The following KCNIP4 variants were observed in gnomAD, a reference collection of about 807,000 sequenced individuals.
KCNIP4 encodes Kv channel-interacting protein 4.
KCNIP4 carries 12 observed loss-of-function variants against 34.0 expected under a neutral mutation model. The ratio of observed to expected loss-of-function variants is 0.35; its 90% CI spans 0.23 to 0.57. The LOEUF is 0.57. Among genes scored for constraint, KCNIP4 ranks in the 20% least tolerant of loss-of-function variants. The probability of loss-of-function intolerance (pLI) is 0.83; values close to 1 mark genes in which losing one functional copy is unlikely to be tolerated. For synonymous variants in KCNIP4, 124 were observed against 102.2 expected, an observed-to-expected ratio of 1.21 and a Z score of -1.29; for missense variants, 238 against 311.7, an observed-to-expected ratio of 0.76 and a Z score of 1.78.
At chr4:20,948,124 C>G (rs541901091) in intron 1 of KCNIP4, among the ~76,000 whole-genome samples, 1 of 152,182 alleles carries the variant, frequency 6.6e-6, no homozygotes, top group Non-Finnish European at 1.5e-5. Flanking sequence ...CACCAGAATT[C>G]CAGAAGCAGC....
intron 3 of KCNIP4, among the ~76,000 whole-genome samples, chr4:20,845,025 C>T (rs975725517): frequency 9.2e-5 from 14 of 152,152 alleles, no homozygotes; most frequent in African/African-American, 3.1e-4. Flanking sequence ...AGCTGCTTTG[C>T]TCTACAGGTG....
intron 1 of KCNIP4, among the ~76,000 whole-genome samples, chr4:21,379,457 C>T (rs1446814271): frequency 2.6e-5 from 4 of 152,162 alleles, no homozygotes; most frequent in South Asian, 2.1e-4. Flanking sequence ...GAAATCCTCA[C>T]GTGGCTTTGC....
chr4:21,649,588 C>T (rs893648397), intron 1 of KCNIP4, among the ~76,000 whole-genome samples: 1 of 152,122 alleles, frequency 6.6e-6, no homozygotes, highest in Non-Finnish European at 1.5e-5. Context: ...TGAAACAGGC[C>T]TTAAAAAGTC....
At chr4:21,108,417 C>T (rs1424865131) in intron 1 of KCNIP4, among the ~76,000 whole-genome samples, 10 of 151,656 alleles carry the variant, frequency 6.6e-5, no homozygotes, top group East Asian at 1.9e-4. Flanking sequence ...GCATTCTTCA[C>T]GTAGTTCTCG....
intron 3 of KCNIP4, among the ~76,000 whole-genome samples, chr4:20,759,919 A>T (rs940222337): frequency 2.0e-5 from 3 of 152,160 alleles, no homozygotes; most frequent in African/African-American, 7.2e-5. Context: ...CACCGCGGAT[A>T]CCAAAATCCA....
At chr4:21,328,435 G>C (rs140748191) in intron 1 of KCNIP4, among the ~76,000 whole-genome samples, 1,578 of 152,282 alleles carry the variant, frequency 0.01, 17 homozygotes, top group Non-Finnish European at 0.017. Flanking sequence ...GTCACTCTTT[G>C]TGTGCTGAGG....
chr4:21,200,710 G>A (rs978652844), intron 1 of KCNIP4, among the ~76,000 whole-genome samples: 7 of 151,214 alleles, frequency 4.6e-5, no homozygotes, highest in Admixed American at 2.6e-4. Flanking sequence ...CTGGTGATGC[G>A]TACATTAAAA....
chr4:21,220,985 G>T (rs1757942807), intron 1 of KCNIP4, among the ~76,000 whole-genome samples: 1 of 152,090 alleles, frequency 6.6e-6, no homozygotes, highest in Non-Finnish European at 1.5e-5. Flanking sequence ...TAGAAAAATA[G>T]GTTGGAACCA....
chr4:21,797,281 C>T (rs1720687380), intron 1 of KCNIP4, among the ~76,000 whole-genome samples: 1 of 152,080 alleles, frequency 6.6e-6, no homozygotes, highest in Non-Finnish European at 1.5e-5. Context: ...GCTAGGAGTA[C>T]AGGTTTGTGC....
At chr4:21,402,592 C>G (rs1461512993) in intron 1 of KCNIP4, among the ~76,000 whole-genome samples, 1 of 152,148 alleles carries the variant, frequency 6.6e-6, no homozygotes, top group Non-Finnish European at 1.5e-5. Flanking sequence ...TTGCTCTTGC[C>G]CTTTACTGCT....
chr4:21,344,860 G>A (rs1050065096), intron 1 of KCNIP4, among the ~76,000 whole-genome samples: 1 of 152,204 alleles, frequency 6.6e-6, no homozygotes, highest in Non-Finnish European at 1.5e-5. Context: ...CTATGTTAGT[G>A]CTCTCTTCAA....
intron 1 of KCNIP4, among the ~76,000 whole-genome samples, chr4:21,619,264 C>T (rs934650472): frequency 6.6e-6 from 1 of 152,104 alleles, no homozygotes; most frequent in African/African-American, 2.4e-5. Flanking sequence ...AAAACTAATG[C>T]GCTCCACATT....
intron 1 of KCNIP4, among the ~76,000 whole-genome samples, chr4:21,477,849 G>C (rs1306951321): frequency 6.6e-6 from 1 of 152,030 alleles, no homozygotes; most frequent in Non-Finnish European, 1.5e-5. Context: ...ATAACAGTAG[G>C]GTATTTTAGC....
chr4:21,434,740 G>A (rs1214837551), intron 1 of KCNIP4, among the ~76,000 whole-genome samples: 2 of 136,514 alleles, frequency 1.5e-5, no homozygotes, highest in South Asian at 2.4e-4. Context: ...AACGATCCCC[G>A]CCCCCCTCCC....
At chr4:21,507,198 C>T (rs1695614372) in intron 1 of KCNIP4, among the ~76,000 whole-genome samples, 1 of 151,764 alleles carries the variant, frequency 6.6e-6, no homozygotes, top group Non-Finnish European at 1.5e-5. Flanking sequence ...TTGTACTAGC[C>T]ACATTTTAGG....
At chr4:21,489,937 G>A (rs959252496) in intron 1 of KCNIP4, among the ~76,000 whole-genome samples, 1 of 150,960 alleles carries the variant, frequency 6.6e-6, no homozygotes, top group Non-Finnish European at 1.5e-5. Flanking sequence ...TAACTTTGGT[G>A]AGATTTTCAA....
intron 1 of KCNIP4, among the ~76,000 whole-genome samples, chr4:21,766,403 G>T (rs1029914393): frequency 6.6e-6 from 1 of 152,112 alleles, no homozygotes; most frequent in Non-Finnish European, 1.5e-5. Flanking sequence ...AAGAGTTTGA[G>T]CTGGGACTCA....
chr4:21,594,347 C>T (rs1742455366), intron 1 of KCNIP4, among the ~76,000 whole-genome samples: 2 of 152,058 alleles, frequency 1.3e-5, no homozygotes, highest in Admixed American at 1.3e-4. Flanking sequence ...ACAAAAGCAA[C>T]CAACGACAAA....
At chr4:21,638,958 G>T (rs749377128) in intron 1 of KCNIP4, among the ~76,000 whole-genome samples, 15 of 152,084 alleles carry the variant, frequency 9.9e-5, no homozygotes, top group Non-Finnish European at 2.2e-4. Context: ...TATATGTACT[G>T]GTTAACTGTG....
Sources: gnomAD v4.1 joint callset for allele counts (sites outside exome capture counted in the v4.1 genomes callset) on GRCh38, gnomAD v4.1.1 for gene constraint, MANE v1.5 for transcripts, NCBI Gene and HGNC (gene_info 2026-07-23, HGNC 2026-07-21) for gene names.